RRAGC: variants seen among roughly 807,000 people sequenced by gnomAD.
RRAGC encodes the protein Ras related GTP binding C, also known as ras-related GTP-binding protein C.
RRAGC carries 8 observed loss-of-function variants against 37.1 expected under a neutral mutation model. The ratio of observed to expected loss-of-function variants is 0.22; its 90% CI spans 0.13 to 0.39. The LOEUF is 0.39. Ranked by LOEUF, RRAGC falls within the 10% of genes least tolerant of loss-of-function variation. RRAGC has a pLI of 1.00. For missense variants in RRAGC, 342 were observed against 497.6 expected, an observed-to-expected ratio of 0.69 and a Z score of 2.98; for synonymous variants, 190 against 181.1, an observed-to-expected ratio of 1.05 and a Z score of -0.39.
intron 5 of RRAGC, 186 bp downstream of exon 5, chr1:38,851,429 C>T (rs371906621): frequency 2.5e-4 from 104 of 422,938 alleles, no homozygotes; most frequent in Admixed American, 1.4e-3. Flanking sequence ...AGCCATTCTC[C>T]GAAGGAGTAA....
chr1:38,846,086 A>G lies in RRAGC; in HGVS notation c.901T>C (p.Leu301=). The G allele has an allele frequency of 6.2e-7, 1 of 1,606,714 alleles. No individual in the cohort carries two copies. Among genetic ancestry groups the G allele is most frequent in the East Asian group, 2.2e-5 (1 of 44,754 alleles). The change falls in exon 6 of 7, where the codon TTA becomes CTA. Residue 301 remains leucine (L), a splice_region_variant and synonymous_variant. Transcript: ENST00000373001. Reference sequence around the variant, plus strand: ...GCACTTCCACTTCCATCTTCCTTTAACCTATTTTAAAAGAAAGTACTATTC... The same window carrying G: ...GCACTTCCACTTCCATCTTCCTTTAGCCTATTTTAAAAGAAAGTACTATTC... ...VVIDVSCIYG[L]KEDGSGSAYD...
At chr1:38,852,743 A>T in intron 3 of RRAGC, 1 of 229,776 alleles carries the variant, frequency 4.4e-6, no homozygotes, top group Non-Finnish European at 8.4e-6. Flanking sequence ...ATAAACTCCA[A>T]TATTCACCGA....
chr1:38,856,724 T>A (rs972590136), intron 2 of RRAGC, 155 bp downstream of exon 2: 2 of 653,982 alleles, frequency 3.1e-6, no homozygotes, highest in Admixed American at 2.8e-5. Flanking sequence ...GCATGTCTGC[T>A]CCCAAAGCAC....
At chr1:38,841,166 A>G (rs1641958231) in intron 6 of RRAGC, among the ~76,000 whole-genome samples, 1 of 152,174 alleles carries the variant, frequency 6.6e-6, no homozygotes, top group East Asian at 1.9e-4. Context: ...AGCTTTTATT[A>G]TACTGTTTTC....
intron 6 of RRAGC, among the ~76,000 whole-genome samples, chr1:38,843,535 G>A (rs1200755878): frequency 1.3e-5 from 2 of 151,710 alleles, no homozygotes; most frequent in African/African-American, 4.8e-5. Context: ...CCTGGCTAAC[G>A]CAGTGAAACC....
At chr1:38,846,260 C>T (rs1642026272) in intron 5 of RRAGC, 173 bp from the exon 6 acceptor site, 2 of 554,636 alleles carry the variant, frequency 3.6e-6, no homozygotes, top group African/African-American at 3.9e-5. Flanking sequence ...CACAGAATTT[C>T]AGGGATACCT....
chr1:38,859,527 C>T lies in RRAGC; in HGVS notation c.120G>A (p.Ala40=), dbSNP rs916040806. 25 of 1,535,354 alleles carry T rather than the reference C, an allele frequency of 1.6e-5. No homozygotes were observed. In the East Asian group the frequency reaches 5.2e-4, roughly 32 times the overall value. Reference sequence around the variant, plus strand: ...CTGCCCCTGCCCCAACCCCTCCGCCCGCCGCCGCCGCCTCCTCTTCCTCCT... The same window carrying T: ...CTGCCCCTGCCCCAACCCCTCCGCCTGCCGCCGCCGCCTCCTCTTCCTCCT... ...VEEEEEEAAA[A]GGGVGAGAGG... The change falls in exon 1 of 7, where the codon GCG becomes GCA. Residue 40 remains alanine, a synonymous_variant. Transcript: ENST00000373001.
chr1:38,855,624 A>G, intron 3 of RRAGC, 84 bp downstream of exon 3: 1 of 1,086,026 alleles, frequency 9.2e-7, no homozygotes, highest in Admixed American at 1.8e-5. Context: ...CAGGTAGCAG[A>G]AAGCTATGGT....
At chr1:38,857,243 A>G (rs1247987931) in intron 1 of RRAGC, among the ~76,000 whole-genome samples, 161 bp from the exon 2 acceptor site, 1 of 152,164 alleles carries the variant, frequency 6.6e-6, no homozygotes, top group African/African-American at 2.4e-5. Context: ...CTATCCCTTT[A>G]TTTTTGACAA....
At chr1:38,851,819 G>A (rs548651983) in intron 4 of RRAGC, 62 bp from the exon 5 acceptor site, 72 of 1,434,712 alleles carry the variant, frequency 5.0e-5, no homozygotes, top group East Asian at 1.4e-4. Flanking sequence ...ACAACTTATC[G>A]AAGATCTAGA....
chr1:38,853,982 A>G (rs1285010185), intron 3 of RRAGC, among the ~76,000 whole-genome samples: 1 of 152,020 alleles, frequency 6.6e-6, no homozygotes, highest in South Asian at 2.1e-4. Context: ...TGCAAGTCAC[A>G]GGGCATTTTA....
In RRAGC at chr1:38,859,757, G is replaced by C; in HGVS notation, c.-111C>G. ...GCCGCCACCACCGCCACCGCCCCCG[G>C]CAGCCGCCACAGTCCGGCCCGCCCC... On this transcript the variant is annotated 5_prime_UTR_variant, in exon 1 of 7. Transcript: ENST00000373001. 1 of 980,700 alleles carries C rather than the reference G, an allele frequency of 1.0e-6. No homozygotes were observed. The highest frequency in any genetic ancestry group is 4.6e-5 in the Admixed American group (1 of 21,526). The allele number at this position is 980,700 out of a possible 1,614,324, so 60.7% of individuals were successfully genotyped here.
In RRAGC at chr1:38,855,910, G is replaced by GT. The variant is rs1642161883; in HGVS notation, c.442-4dup. ...GTTAAAGCCTCCATGTAGTCATCCT[G>GT]TAAGTCAGAACAAAATATTTTTTAA... On this transcript the variant is annotated splice_polypyrimidine_tract_variant and splice_region_variant and intron_variant, in intron 2 of 6. Transcript: ENST00000373001. The GT allele has an allele frequency of 1.2e-6, 2 of 1,603,354 alleles. No individual in the cohort carries two copies. Among genetic ancestry groups the GT allele is most frequent in the Non-Finnish European group, 1.7e-6 (2 of 1,172,736 alleles).
chr1:38,840,065 G>A (rs940938748), intron 6 of RRAGC, among the ~76,000 whole-genome samples: 22 of 150,252 alleles, frequency 1.5e-4, no homozygotes, highest in Non-Finnish European at 3.0e-4. Flanking sequence ...AGAGAATGGC[G>A]TGAACCTGGG....
At chr1:38,857,424 G>C (rs993900916) in intron 1 of RRAGC, among the ~76,000 whole-genome samples, 2 of 152,262 alleles carry the variant, frequency 1.3e-5, no homozygotes, top group East Asian at 1.9e-4. Context: ...GATTATAAAA[G>C]TCTTACAGCT....
intron 6 of RRAGC, among the ~76,000 whole-genome samples, chr1:38,844,354 T>A (rs1372762229): frequency 6.7e-6 from 1 of 150,162 alleles, no homozygotes; most frequent in Non-Finnish European, 1.5e-5. Flanking sequence ...AATTTTTCAA[T>A]CACATAGAGA....
intron 3 of RRAGC, 172 bp from the exon 4 acceptor site, chr1:38,852,660 C>A (rs1487517540): frequency 6.8e-6 from 3 of 443,936 alleles, no homozygotes; most frequent in Non-Finnish European, 1.2e-5. Context: ...CACTTTCCCA[C>A]CTGGCTTCAT....
intron 6 of RRAGC, among the ~76,000 whole-genome samples, chr1:38,844,739 G>A (rs1023181734): frequency 2.0e-4 from 30 of 152,084 alleles, no homozygotes; most frequent in African/African-American, 7.0e-4. Flanking sequence ...TCTGACAAAC[G>A]GCTAATATCC....
intron 6 of RRAGC, among the ~76,000 whole-genome samples, chr1:38,845,359 G>C (rs2124218691): frequency 6.6e-6 from 1 of 152,232 alleles, no homozygotes; most frequent in East Asian, 1.9e-4. Flanking sequence ...ATCATTCTCA[G>C]CAAACTAACA....
Sources: gnomAD v4.1 joint callset for allele counts (sites outside exome capture counted in the v4.1 genomes callset) on GRCh38, gnomAD v4.1.1 for gene constraint, MANE v1.5 for transcripts, NCBI Gene and HGNC (gene_info 2026-07-23, HGNC 2026-07-21) for gene names.